SLC1A7: variants seen among roughly 807,000 people sequenced by gnomAD.
SLC1A7 encodes the protein solute carrier family 1 member 7.
In SLC1A7, 40 loss-of-function variants were observed where a neutral mutation model predicts 47.7. The ratio of observed to expected loss-of-function variants is 0.84; its 90% CI spans 0.65 to 1.09. SLC1A7 has a LOEUF of 1.09. SLC1A7 is among the 50% of genes least tolerant of loss of function. The probability of loss-of-function intolerance (pLI) is 0.00; values close to 1 mark genes in which losing one functional copy is unlikely to be tolerated. For missense variants in SLC1A7, 746 were observed against 769.5 expected, an observed-to-expected ratio of 0.97 and a Z score of 0.36; for synonymous variants, 323 against 325.6, an observed-to-expected ratio of 0.99 and a Z score of 0.09.
chr1:53,090,048 G>A (rs746116096), intron 8 of SLC1A7, 114 bp from the exon 9 acceptor site: 22 of 1,140,056 alleles, frequency 1.9e-5, no homozygotes, highest in East Asian at 1.3e-4. Context: ...CATTTGGTGC[G>A]GGGGGTGGGT....
chr1:53,117,733 C>T (rs774406867), intron 2 of SLC1A7, among the ~76,000 whole-genome samples: 1 of 152,138 alleles, frequency 6.6e-6, no homozygotes, highest in Admixed American at 6.5e-5. Flanking sequence ...GATAAAGGCC[C>T]CTCAGAAGGC....
In SLC1A7 at chr1:53,088,061, G is replaced by A. The variant is rs761271719; in HGVS notation, c.1631C>T (p.Ala544Val). 5.0e-6 allele frequency: 8 copies of A among 1,601,198 alleles called. No individual in the cohort carries two copies. Among genetic ancestry groups the A allele is most frequent in the African/African-American group, 1.3e-5 (1 of 74,848 alleles). Reference sequence around the variant, plus strand: ...CTGGATGGTGCAGTGGTTCAGACTCGCAGCGGGCAGCTCCTCATCCTGCTC... The same window carrying A: ...CTGGATGGTGCAGTGGTTCAGACTCACAGCGGGCAGCTCCTCATCCTGCTC... ...QVEQDEELPA[A>V]SLNHCTIQIS... The change falls in exon 11 of 11, where the codon GCG becomes GTG. Residue 544 changes from alanine (A) to valine (V), a missense_variant. By Grantham distance (64) the Ala-to-Val change is moderately conservative (BLOSUM62 0). Transcript: ENST00000371494.
At position 53,087,948 on chromosome 1, in the gene SLC1A7, C is replaced by T. The variant is rs1572287296; in HGVS notation, c.*61G>A. The T allele has an allele frequency of 3.8e-6, 4 of 1,060,288 alleles. No individual in the cohort carries two copies. Among genetic ancestry groups the T allele is most frequent in the African/African-American group, 3.2e-5 (2 of 63,010 alleles). The allele number at this position is 1,060,288 out of a possible 1,614,324, so 65.7% of individuals were successfully genotyped here. A position where few individuals can be genotyped will look rare whatever the true frequency, so the allele number is the denominator to read the frequency against. ...CGGCTGCTCAGGAGGGTTGGAGAGT[C>T]GAGTTCCTGCCTCAGGACCCTGCCC... is the stretch of plus-strand genomic sequence containing the variant. On this transcript the variant is annotated 3_prime_UTR_variant, in exon 11 of 11. Coordinates refer to ENST00000371494, the MANE Select transcript of SLC1A7 (RefSeq NM_006671.6).
intron 5 of SLC1A7, among the ~76,000 whole-genome samples, chr1:53,096,540 C>T (rs1162048242): frequency 6.6e-6 from 1 of 151,020 alleles, no homozygotes; most frequent in African/African-American, 2.4e-5. Flanking sequence ...GCTCAGTACA[C>T]TCACACCCCA....
intron 2 of SLC1A7, among the ~76,000 whole-genome samples, chr1:53,128,430 T>G (rs1406621689): frequency 1.4e-5 from 2 of 144,514 alleles, no homozygotes; most frequent in African/African-American, 5.1e-5. Context: ...TGAGCTGTGG[T>G]CATGCCACTG....
At chr1:53,096,548 C>A (rs1288412) in intron 5 of SLC1A7, among the ~76,000 whole-genome samples, 2 of 150,888 alleles carry the variant, frequency 1.3e-5, no homozygotes, top group Non-Finnish European at 3.0e-5. Flanking sequence ...CACTCACACC[C>A]CATGCCTCAG....
intron 9 of SLC1A7, 24 bp downstream of exon 9, chr1:53,089,776 G>C (rs540949444): frequency 1.9e-6 from 3 of 1,612,878 alleles, no homozygotes; most frequent in African/African-American, 2.7e-5. Context: ...CAGAGGGCTA[G>C]AGCTAGAGGC....
At chr1:53,106,784 C>T (rs1317952046) in intron 3 of SLC1A7, among the ~76,000 whole-genome samples, 2 of 152,026 alleles carry the variant, frequency 1.3e-5, no homozygotes, top group Non-Finnish European at 2.9e-5. Context: ...AGCTGACCAA[C>T]GGTTTGGAAA....
intron 2 of SLC1A7, among the ~76,000 whole-genome samples, chr1:53,120,177 C>T (rs985627594): frequency 2.0e-5 from 3 of 152,136 alleles, no homozygotes; most frequent in East Asian, 1.9e-4. Flanking sequence ...GCCAGGCTCC[C>T]GGTGGAAGGA....
intron 1 of SLC1A7, among the ~76,000 whole-genome samples, chr1:53,136,619 T>A (rs12760665): frequency 0.15 from 13,695 of 91,810 alleles, 1,070 homozygotes; most frequent in Middle Eastern, 0.28. Context: ...ATAATATATA[T>A]AAACATATAT....
Position 53,088,156 on chromosome 1 carries a change from C to G in SLC1A7, c.1536G>C (p.Val512=), listed in dbSNP as rs777338810. The G allele has an allele frequency of 6.2e-7, 1 of 1,613,608 alleles. No individual in the cohort carries two copies. The highest frequency in any genetic ancestry group is 1.1e-5 in the South Asian group (1 of 90,962). The change falls in exon 11 of 11, where the codon GTG becomes GTC. Residue 512 remains valine (V), a synonymous_variant. Transcript: ENST00000371494. The stretch of plus-strand genomic sequence containing the variant: ...GCTCGGAGGCCTCGGCTACACTCTT[C>G]ACACAGCCATTCTGCTGGGCTGCCA... ...EIVAAQQNGC[V]KSVAEASELT...
chr1:53,094,422 C>T (rs886970652), intron 5 of SLC1A7, among the ~76,000 whole-genome samples: 6 of 152,204 alleles, frequency 3.9e-5, no homozygotes, highest in African/African-American at 4.8e-5. Context: ...GTGAGACCGA[C>T]GTGGGGAGCA....
rs145192147 is a variant in SLC1A7 at position 53,089,256 on chromosome 1, T to TTTTGTTTG, written c.1362-285_1362-278dup. Among the ~76,000 whole-genome samples the TTTTGTTTG allele has an allele frequency of 4.3e-4, 64 of 147,234 alleles. 1 individual carries two copies. The highest frequency in any genetic ancestry group is 1.1e-3 in the African/African-American group (46 of 40,936). ...TCTTGAAATTCTTTATAGGTTTGTTTTTTGTTTGTTTGTTTGTTTGTTTTT... is the reference window on the plus strand; with the variant it reads ...TCTTGAAATTCTTTATAGGTTTGTTTTTTGTTTGTTTGTTTGTTTGTTTGTTTGTTTTT... On this transcript the variant is annotated intron_variant, in intron 9 of 10. Transcript: ENST00000371494.
intron 3 of SLC1A7, among the ~76,000 whole-genome samples, chr1:53,106,702 G>A (rs1210809680): frequency 6.6e-6 from 1 of 152,008 alleles, no homozygotes; most frequent in Admixed American, 6.5e-5. Context: ...GCACCTCTAA[G>A]TGTTTCGTAC....
Position 53,089,827 on chromosome 1 carries a change from G to T in SLC1A7, c.1334C>A (p.Thr445Asn). Reference sequence around the variant, plus strand: ...AGCCCAGTCAACGGCAATGATGAGGGTGATGTCATCGGTGGGCAGTCCCAC... The same window carrying T: ...AGCCCAGTCAACGGCAATGATGAGGTTGATGTCATCGGTGGGCAGTCCCAC... ...TSVGLPTDDI[T>N]LIIAVDWALD... is the part of the protein sequence containing the mutation. Residue 445 changes from threonine to asparagine, a missense_variant, in exon 9 of 11, where the codon ACC becomes AAC. Transcript: ENST00000371494. 1 of 1,614,024 alleles carries T rather than the reference G, an allele frequency of 6.2e-7. No individual in the cohort carries two copies.
In SLC1A7 at chr1:53,087,189, A is replaced by G. The variant is rs550643510; in HGVS notation, c.*820T>C. 6.6e-6 allele frequency: 1 copy of G among 152,246 alleles called. No individual in the cohort carries two copies. The highest frequency in any genetic ancestry group is 2.4e-5 in the African/African-American group (1 of 41,462). 9.4% of individuals were successfully genotyped at this position (152,246 alleles called of 1,614,324 possible). ...TGTTGAAGCCCACAAGAAGTGAAAA[A>G]CAAAATACCTTTATTTAGTTAACAC... is the stretch of plus-strand genomic sequence containing the variant. On this transcript the variant is annotated 3_prime_UTR_variant, in exon 11 of 11. Transcript: ENST00000371494.
At chr1:53,138,819 A>G (rs1244865089) in intron 1 of SLC1A7, among the ~76,000 whole-genome samples, 1 of 152,032 alleles carries the variant, frequency 6.6e-6, no homozygotes, top group Non-Finnish European at 1.5e-5. Flanking sequence ...AGCTACTCAC[A>G]TTTTTATCTT....
chr1:53,127,729 C>T (rs979174241), intron 2 of SLC1A7, among the ~76,000 whole-genome samples: 1 of 152,146 alleles, frequency 6.6e-6, no homozygotes, highest in Non-Finnish European at 1.5e-5. Flanking sequence ...CCTGTGGAGA[C>T]AGCTGGGTGG....
At chr1:53,100,778 C>G (rs1305377316) in intron 5 of SLC1A7, among the ~76,000 whole-genome samples, 4 of 150,990 alleles carry the variant, frequency 2.6e-5, no homozygotes, top group Non-Finnish European at 4.4e-5. Context: ...TTGGTATACT[C>G]ACACACTTTG....
Sources: gnomAD v4.1 joint callset for allele counts (sites outside exome capture counted in the v4.1 genomes callset) on GRCh38, gnomAD v4.1.1 for gene constraint, MANE v1.5 for transcripts, NCBI Gene and HGNC (gene_info 2026-07-23, HGNC 2026-07-21) for gene names.